The following CHCHD3 variants were observed in gnomAD, a reference collection of about 807,000 sequenced individuals.
The protein encoded by CHCHD3 is coiled-coil-helix-coiled-coil-helix domain containing 3, also known as MICOS complex subunit MIC19.
In CHCHD3, 20 loss-of-function variants were observed where a neutral mutation model predicts 38.2. That is an observed-to-expected ratio of 0.52 (90% CI 0.37 to 0.76). The LOEUF is 0.76. CHCHD3 is among the 30% of genes least tolerant of loss of function. The pLI, the probability that CHCHD3 is intolerant of heterozygous loss-of-function variation, is 0.00. For synonymous variants in CHCHD3, 82 were observed against 100.0 expected, an observed-to-expected ratio of 0.82 and a Z score of 1.07; for missense variants, 245 against 279.2, an observed-to-expected ratio of 0.88 and a Z score of 0.87.
At chr7:132,925,844 G>A (rs997443476) in intron 4 of CHCHD3, among the ~76,000 whole-genome samples, 13 of 152,138 alleles carry the variant, frequency 8.5e-5, no homozygotes, top group African/African-American at 2.7e-4. Flanking sequence ...CCTCAAAAAC[G>A]AGTTGGGGAT....
intron 2 of CHCHD3, among the ~76,000 whole-genome samples, chr7:133,061,532 A>G (rs1814514896): frequency 6.6e-6 from 1 of 151,866 alleles, no homozygotes; most frequent in African/African-American, 2.4e-5. Context: ...GGAGGAAAGC[A>G]GCTGCACTCA....
intron 5 of CHCHD3, among the ~76,000 whole-genome samples, chr7:132,839,915 T>C (rs1216413388): frequency 6.6e-6 from 1 of 152,244 alleles, no homozygotes; most frequent in Non-Finnish European, 1.5e-5. Flanking sequence ...TTGCACCTGA[T>C]CAATAAAGAT....
chr7:132,944,927 G>T (rs1050953662), intron 4 of CHCHD3, among the ~76,000 whole-genome samples: 1 of 151,884 alleles, frequency 6.6e-6, no homozygotes, highest in Non-Finnish European at 1.5e-5. Flanking sequence ...CGTTACTTAT[G>T]AGTACATAAA....
At chr7:132,796,188 G>GA in intron 7 of CHCHD3, among the ~76,000 whole-genome samples, 1 of 151,990 alleles carries the variant, frequency 6.6e-6, no homozygotes, top group Non-Finnish European at 1.5e-5. Context: ...AGGGCAAGTG[G>GA]AAAAAAGTAT....
chr7:132,892,887 A>T (rs1809400709), intron 4 of CHCHD3, among the ~76,000 whole-genome samples: 1 of 152,216 alleles, frequency 6.6e-6, no homozygotes, highest in South Asian at 2.1e-4. Context: ...ATTTCAGAGG[A>T]TGTATGGAAA....
intron 2 of CHCHD3, among the ~76,000 whole-genome samples, chr7:133,031,177 G>C (rs549423875): frequency 5.2e-4 from 79 of 152,226 alleles, no homozygotes; most frequent in Admixed American, 2.3e-3. Context: ...CTCAAAGAAA[G>C]TGTAACATAA....
chr7:132,890,375 C>A (rs1809331373), intron 4 of CHCHD3, among the ~76,000 whole-genome samples: 1 of 152,140 alleles, frequency 6.6e-6, no homozygotes, highest in African/African-American at 2.4e-5. Flanking sequence ...CTGATAGAAA[C>A]TTTACCTTCC....
intron 2 of CHCHD3, among the ~76,000 whole-genome samples, chr7:133,054,108 T>C (rs1321761103): frequency 6.6e-6 from 1 of 152,170 alleles, no homozygotes; most frequent in Admixed American, 6.5e-5. Flanking sequence ...AAAAACAAAC[T>C]ATACCTACCT....
chr7:132,827,796 T>G (rs1426937054), intron 6 of CHCHD3, among the ~76,000 whole-genome samples: 4 of 152,220 alleles, frequency 2.6e-5, no homozygotes, highest in Non-Finnish European at 5.9e-5. Flanking sequence ...TGCATCTGGC[T>G]TCTTTGTGTG....
chr7:132,853,492 C>T (rs1335628254), intron 5 of CHCHD3, among the ~76,000 whole-genome samples: 1 of 152,052 alleles, frequency 6.6e-6, no homozygotes, highest in Non-Finnish European at 1.5e-5. Context: ...CATGGTGGCA[C>T]ACACCTGTAA....
At chr7:133,039,448 T>G (rs189977338) in intron 2 of CHCHD3, among the ~76,000 whole-genome samples, 2 of 152,338 alleles carry the variant, frequency 1.3e-5, no homozygotes, top group East Asian at 3.9e-4. Context: ...CCAAGTCTTT[T>G]CAATTTTTAA....
intron 3 of CHCHD3, among the ~76,000 whole-genome samples, chr7:132,994,803 A>G (rs1039286977): frequency 6.6e-6 from 1 of 152,190 alleles, no homozygotes; most frequent in Admixed American, 6.5e-5. Flanking sequence ...AGAAATACCA[A>G]GAGTTGAAGG....
intron 2 of CHCHD3, among the ~76,000 whole-genome samples, chr7:133,049,293 A>G (rs1246410925): frequency 6.6e-6 from 1 of 152,238 alleles, no homozygotes; most frequent in Non-Finnish European, 1.5e-5. Flanking sequence ...TAACAGCCAT[A>G]AATACTATAA....
intron 6 of CHCHD3, among the ~76,000 whole-genome samples, chr7:132,834,673 A>G (rs891869586): frequency 2.6e-5 from 4 of 152,178 alleles, no homozygotes; most frequent in African/African-American, 9.7e-5. Flanking sequence ...CAGCCAAAGG[A>G]AGAGATGCAT....
chr7:132,904,599 TG>T (rs2117208786), intron 4 of CHCHD3, among the ~76,000 whole-genome samples: 1 of 152,292 alleles, frequency 6.6e-6, no homozygotes, highest in East Asian at 1.9e-4. Flanking sequence ...CAACAGGTGC[TG>T]GAGAGGATGT....
At chr7:132,895,983 G>A (rs760240524) in intron 4 of CHCHD3, among the ~76,000 whole-genome samples, 1 of 152,136 alleles carries the variant, frequency 6.6e-6, no homozygotes, top group Non-Finnish European at 1.5e-5. Context: ...TTACAAAACG[G>A]GTCATATGAA....
intron 2 of CHCHD3, among the ~76,000 whole-genome samples, chr7:133,063,840 C>T (rs1562952228): frequency 6.6e-6 from 1 of 152,154 alleles, no homozygotes; most frequent in Non-Finnish European, 1.5e-5. Flanking sequence ...TCAACCTACC[C>T]ACCCATGAGA....
intron 2 of CHCHD3, among the ~76,000 whole-genome samples, chr7:133,045,509 A>C (rs1336951759): frequency 6.6e-6 from 1 of 152,242 alleles, no homozygotes; most frequent in Non-Finnish European, 1.5e-5. Flanking sequence ...TTTAATGAAG[A>C]AAATAACAAA....
intron 4 of CHCHD3, among the ~76,000 whole-genome samples, chr7:132,940,403 T>A (rs768316999): frequency 6.6e-6 from 1 of 152,160 alleles, no homozygotes; most frequent in Non-Finnish European, 1.5e-5. Context: ...CCAAGGCCTA[T>A]CCCTTGATAC....
Sources: allele counts gnomAD v4.1 joint callset (sites outside exome capture counted in the v4.1 genomes callset), GRCh38; gene constraint gnomAD v4.1.1; transcripts MANE v1.5; gene names NCBI Gene and HGNC (gene_info 2026-07-23, HGNC 2026-07-21).